The following SERPINB7 variants were observed in gnomAD, a reference collection of about 807,000 sequenced individuals.
SERPINB7 encodes serpin family B member 7, also known as serpin B7.
Under a neutral mutation model 37.4 loss-of-function variants are expected in SERPINB7, and 31 were observed. The ratio of observed to expected loss-of-function variants is 0.83; its 90% confidence interval spans 0.62 to 1.12. The LOEUF (loss-of-function observed/expected upper bound fraction) is 1.12. SERPINB7 is among the 50% of genes most tolerant of loss of function. SERPINB7 has a pLI of 0.00. For synonymous variants in SERPINB7, 163 were observed against 166.1 expected (o/e 0.98, Z 0.14); for missense variants, 521 against 455.3 (o/e 1.14, Z -1.31).
At chr18:63,791,800 C>CG (rs1213769732) in intron 2 of SERPINB7, among the ~76,000 whole-genome samples, 1 of 151,900 alleles carries the variant, frequency 6.6e-6, no homozygotes, top group Non-Finnish European at 1.5e-5. Flanking sequence ...TTAGTAGAGA[C>CG]GGGTTTTCAC....
chr18:63,789,834 T>C (rs752380877), intron 2 of SERPINB7, among the ~76,000 whole-genome samples: 97 of 152,248 alleles, frequency 6.4e-4, no homozygotes, highest in Admixed American at 7.8e-4. Context: ...AATGTTCTTA[T>C]AGACTGATAT....
intron 1 of SERPINB7, among the ~76,000 whole-genome samples, chr18:63,775,979 G>A (rs1265185049): frequency 6.6e-6 from 1 of 151,934 alleles, no homozygotes; most frequent in Non-Finnish European, 1.5e-5. Flanking sequence ...CTCTTCCTTG[G>A]GCCATGTCAG....
chr18:63,792,418 G>A lies in SERPINB7; in HGVS notation c.194G>A (p.Gly65Glu). The A allele has an allele frequency of 6.2e-7, 1 of 1,605,054 alleles. No individual in the cohort carries two copies. Among genetic ancestry groups the A allele is most frequent in the South Asian group, 1.1e-5 (1 of 90,848 alleles). Reference protein sequence around the residue: ...DKLLHVNTASGYGNSSNSQSG... With the variant: ...DKLLHVNTASEYGNSSNSQSG... ...TTGCTTCATGTTAACACTGCCTCAG[G>A]ATATGGAAACTCTTCTAATAGTCAG... Residue 65 changes from glycine (G) to glutamate (E), a missense_variant, in exon 3 of 8, where the codon GGA (glycine) becomes GAA (glutamate). By Grantham distance (98) the Gly-to-Glu change is moderately conservative. Transcript: ENST00000398019.
chr18:63,778,022 T>C (rs550474189), intron 1 of SERPINB7: 2 of 152,240 alleles, frequency 1.3e-5, no homozygotes, highest in South Asian at 4.1e-4. Context: ...GGTCCTCTTG[T>C]CTGCTTCTCC....
chr18:63,780,248 TG>T (rs1251636569), intron 1 of SERPINB7, among the ~76,000 whole-genome samples: 1 of 152,194 alleles, frequency 6.6e-6, no homozygotes, highest in Non-Finnish European at 1.5e-5. Context: ...TTCTTTAGGA[TG>T]GAGAGAATCT....
At chr18:63,781,011 A>G (rs2049296031) in intron 1 of SERPINB7, among the ~76,000 whole-genome samples, 1 of 152,098 alleles carries the variant, frequency 6.6e-6, no homozygotes, top group East Asian at 1.9e-4. Flanking sequence ...TTTTTTTTTA[A>G]TTTTTTAACT....
At chr18:63,759,933 T>C (rs2049143542) in intron 1 of SERPINB7, among the ~76,000 whole-genome samples, 1 of 152,228 alleles carries the variant, frequency 6.6e-6, no homozygotes, top group Non-Finnish European at 1.5e-5. Flanking sequence ...GTCTCAGGTA[T>C]GTCTTTATCA....
At chr18:63,755,914 A>G (rs905532288) in intron 1 of SERPINB7, among the ~76,000 whole-genome samples, 1 of 152,126 alleles carries the variant, frequency 6.6e-6, no homozygotes, top group African/African-American at 2.4e-5. Context: ...ACTTCTATTC[A>G]ACTGTTGACA....
upstream of SERPINB7, among the ~76,000 whole-genome samples, chr18:63,771,438 G>A (rs1350975748): frequency 6.6e-6 from 1 of 152,054 alleles, no homozygotes; most frequent in African/African-American, 2.4e-5. Flanking sequence ...TGATAGAATT[G>A]TAAATGAAAT....
At chr18:63,765,479 A>AT (rs1391847618) in intron 1 of SERPINB7, among the ~76,000 whole-genome samples, 3 of 152,206 alleles carry the variant, frequency 2.0e-5, no homozygotes, top group African/African-American at 7.2e-5. Context: ...CTAGAGTGTT[A>AT]TTTTTTAAAA....
chr18:63,757,980 C>T (rs768251906), intron 1 of SERPINB7, among the ~76,000 whole-genome samples: 3 of 152,162 alleles, frequency 2.0e-5, no homozygotes, highest in African/African-American at 4.8e-5. Flanking sequence ...GTTGTCCTTC[C>T]ATTTTAATAA....
At chr18:63,756,207 A>C (rs2049121304) in intron 1 of SERPINB7, among the ~76,000 whole-genome samples, 1 of 152,162 alleles carries the variant, frequency 6.6e-6, no homozygotes, top group Non-Finnish European at 1.5e-5. Flanking sequence ...GTATTAACTA[A>C]CAAGAACATG....
intron 1 of SERPINB7, among the ~76,000 whole-genome samples, chr18:63,780,509 T>TA (rs1455347023): frequency 6.6e-6 from 1 of 152,214 alleles, no homozygotes; most frequent in African/African-American, 2.4e-5. Flanking sequence ...TCGCATCCTG[T>TA]ATACCTAGTC....
At chr18:63,759,951 GA>G (rs1238452719) in intron 1 of SERPINB7, among the ~76,000 whole-genome samples, 4 of 152,144 alleles carry the variant, frequency 2.6e-5, no homozygotes, top group Admixed American at 2.0e-4. Context: ...TCAGCAGCGT[GA>G]AAACAGACTA....
chr18:63,802,218 T>A (rs1031491242), intron 7 of SERPINB7, among the ~76,000 whole-genome samples: 1 of 152,208 alleles, frequency 6.6e-6, no homozygotes, highest in African/African-American at 2.4e-5. Context: ...CTGTGACTGA[T>A]GTGGCAGGAG....
chr18:63,792,483 C>G lies in SERPINB7; in HGVS notation c.219+40C>G, dbSNP rs544652610. On this transcript the variant is annotated intron_variant, in intron 3 of 7. Transcript: ENST00000398019. ...TTCTTTTAGAAAAAGAGAAGGTGAG[C>G]CAGGTGCAGGGGCTCAAGCCTGTAA... The G allele has an allele frequency of 2.9e-6, 4 of 1,385,066 alleles. No homozygotes were observed. The South Asian group carries it at 3.5e-5, about 12-fold the overall frequency. 85.8% of individuals were successfully genotyped at this position (1,385,066 alleles called of 1,614,324 possible).
At chr18:63,759,050 C>A (rs543552374) in intron 1 of SERPINB7, among the ~76,000 whole-genome samples, 28 of 152,310 alleles carry the variant, frequency 1.8e-4, no homozygotes, top group African/African-American at 6.7e-4. Flanking sequence ...TCTACTTGAT[C>A]ATATGCATGG....
upstream of SERPINB7, among the ~76,000 whole-genome samples, chr18:63,775,174 A>G (rs1319537252): frequency 6.6e-6 from 1 of 152,120 alleles, no homozygotes; most frequent in Non-Finnish European, 1.5e-5. Flanking sequence ...AGGCTGACAG[A>G]TACTGTTGAT....
chr18:63,772,121 T>C (rs2049215241), upstream of SERPINB7, among the ~76,000 whole-genome samples: 1 of 152,076 alleles, frequency 6.6e-6, no homozygotes. Flanking sequence ...GAGGATCAAC[T>C]GCTTCTTATT....
Sources: allele counts gnomAD v4.1 joint callset (sites outside exome capture counted in the v4.1 genomes callset), GRCh38; gene constraint gnomAD v4.1.1; transcripts MANE v1.5; gene names NCBI Gene and HGNC (gene_info 2026-07-23, HGNC 2026-07-21).